ITIH2: variants seen among roughly 807,000 people sequenced by gnomAD.
ITIH2 encodes the protein inter-alpha-trypsin inhibitor heavy chain 2.
A neutral mutation model predicts 104.4 loss-of-function variants in ITIH2; 103 were observed. The ratio of observed to expected loss-of-function variants is 0.99; its 90% CI spans 0.84 to 1.16. ITIH2 has a LOEUF of 1.16. ITIH2 is among the 50% of genes most tolerant of loss of function. The probability of loss-of-function intolerance (pLI) is 0.00; values close to 1 mark genes in which losing one functional copy is unlikely to be tolerated. For missense variants in ITIH2, 1,108 were observed against 1,162.4 expected (o/e 0.95, Z 0.68); for synonymous variants, 436 against 435.4 (o/e 1.00, Z -0.02).
rs150632269 is a variant in ITIH2 at position 7,703,449 on chromosome 10, G to T, written c.15G>T (p.Thr5=). 1.7e-5 allele frequency: 27 copies of T among 1,613,770 alleles called. No homozygotes were observed. The highest frequency in any genetic ancestry group is 2.2e-5 in the East Asian group (1 of 44,882). The part of the protein sequence containing the change: MKRL[T]CFFICFFLSE... Reference sequence around the variant, plus strand: ...TGTCCAGCAAAATGAAAAGACTCACGTGCTTTTTCATCTGCTTCTTTCTTT... The same window carrying T: ...TGTCCAGCAAAATGAAAAGACTCACTTGCTTTTTCATCTGCTTCTTTCTTT... The change falls in exon 1 of 21, where the codon ACG becomes ACT. Residue 5 remains threonine, a synonymous_variant. Coordinates refer to ENST00000358415, the MANE Select transcript of ITIH2 (RefSeq NM_002216.3).
intron 3 of ITIH2, 84 bp from the exon 4 acceptor site, chr10:7,708,938 G>GCA: frequency 2.6e-6 from 3 of 1,146,780 alleles, no homozygotes; most frequent in Non-Finnish European, 3.9e-6. Context: ...AAAATGTAGT[G>GCA]TTGTTAACAT....
chr10:7,723,813 T>A (rs1480942736), intron 9 of ITIH2, among the ~76,000 whole-genome samples: 1 of 152,164 alleles, frequency 6.6e-6, no homozygotes, highest in Non-Finnish European at 1.5e-5. Flanking sequence ...CTCTTTCCTG[T>A]TTCCTCTTCC....
In ITIH2 at chr10:7,713,290, G is replaced by C; in HGVS notation, c.467+5G>C. ...CAAGACGGCTGGCTTGGTGAGGTAA[G>C]GCCTGAGTGAGCAAGGCTTGCCCTT... On this transcript the variant is annotated splice_donor_5th_base_variant and intron_variant, in intron 5 of 20. Coordinates refer to ENST00000358415, the MANE Select transcript of ITIH2 (RefSeq NM_002216.3). The C allele has an allele frequency of 6.2e-7, 1 of 1,608,434 alleles. No individual in the cohort carries two copies. Among genetic ancestry groups the C allele is most frequent in the East Asian group, 2.2e-5 (1 of 44,864 alleles).
chr10:7,707,778 T>C (rs918314539), intron 3 of ITIH2, among the ~76,000 whole-genome samples: 14 of 152,178 alleles, frequency 9.2e-5, no homozygotes, highest in Non-Finnish European at 1.9e-4. Flanking sequence ...TTGGCCAGGC[T>C]GGTCTCGAAC....
At chr10:7,734,857 G>T in intron 14 of ITIH2, 65 bp from the exon 15 acceptor site, 1 of 1,424,606 alleles carries the variant, frequency 7.0e-7, no homozygotes, top group Non-Finnish European at 9.6e-7. Context: ...CAGGGTCAGG[G>T]AGCTGACTTG....
rs1468052236 is a variant in ITIH2 at position 7,727,687 on chromosome 10, T to C, written c.1154-16T>C. 6.2e-7 allele frequency: 1 copy of C among 1,613,628 alleles called. No individual in the cohort carries two copies. The highest frequency in any genetic ancestry group is 1.1e-5 in the South Asian group (1 of 90,998). On this transcript the variant is annotated splice_polypyrimidine_tract_variant and intron_variant, in intron 10 of 20. Transcript: ENST00000358415. ...CGAGAACGCATACCCAACGTTTCAT[T>C]ATGCTACTTCAACAGGCACAAACAT... is the stretch of plus-strand genomic sequence containing the variant.
Position 7,727,758 on chromosome 10 carries a change from T to A in ITIH2, c.1209T>A (p.Asn403Lys). The A allele has an allele frequency of 6.2e-7, 1 of 1,614,118 alleles. No homozygotes were observed. Among genetic ancestry groups the A allele is most frequent in the Non-Finnish European group, 8.5e-7 (1 of 1,179,946 alleles). Residue 403 changes from asparagine to lysine, a missense_variant, in exon 11 of 21, where the codon AAT (asparagine) becomes AAA (lysine). Asn to Lys is a moderately conservative substitution (Grantham distance 94). Transcript: ENST00000358415. ...LRAIFILNEA[N>K]NLGLLDPNSV... ...CAATCTTCATTTTGAATGAAGCCAATAACTTGGGACTGTTAGACCCCAACT... is the reference window on the plus strand; with the variant it reads ...CAATCTTCATTTTGAATGAAGCCAAAAACTTGGGACTGTTAGACCCCAACT...
At chr10:7,739,457 G>A (rs1226157716) in intron 16 of ITIH2, among the ~76,000 whole-genome samples, 1 of 152,200 alleles carries the variant, frequency 6.6e-6, no homozygotes, top group African/African-American at 2.4e-5. Context: ...TCCTAGAATT[G>A]TGCGGCTTTC....
chr10:7,714,374 G>A (rs545000159), intron 5 of ITIH2, among the ~76,000 whole-genome samples: 3 of 151,772 alleles, frequency 2.0e-5, no homozygotes, highest in East Asian at 1.9e-4. Context: ...GGGTTTCACC[G>A]TGTTGGCCAG....
intron 1 of ITIH2, among the ~76,000 whole-genome samples, chr10:7,703,970 ACT>A (rs932653242): frequency 5.3e-5 from 8 of 152,262 alleles, no homozygotes; most frequent in Non-Finnish European, 1.2e-4. Flanking sequence ...ATCAAAGCAC[ACT>A]GTTTTTCATA....
intron 12 of ITIH2, among the ~76,000 whole-genome samples, chr10:7,731,062 G>C (rs1834997127): frequency 6.6e-6 from 1 of 152,088 alleles, no homozygotes; most frequent in South Asian, 2.1e-4. Context: ...AGGATTACAG[G>C]CATGTGCCAC....
At chr10:7,732,723 A>T (rs763558101) in intron 14 of ITIH2, among the ~76,000 whole-genome samples, 4 of 151,944 alleles carry the variant, frequency 2.6e-5, no homozygotes, top group African/African-American at 9.6e-5. Flanking sequence ...TTTTTATTTT[A>T]TTTATTTATT....
chr10:7,722,192 T>G (rs1295441296), intron 8 of ITIH2, among the ~76,000 whole-genome samples: 2 of 152,130 alleles, frequency 1.3e-5, no homozygotes, highest in Non-Finnish European at 2.9e-5. Flanking sequence ...TCATGAAGTT[T>G]CTTGAAAAGT....
In ITIH2 at chr10:7,744,836, G is replaced by C; in HGVS notation, c.2454G>C (p.Leu818=). 1 of 1,614,096 alleles carries C rather than the reference G, an allele frequency of 6.2e-7. No homozygotes were observed. The highest frequency in any genetic ancestry group is 8.5e-7 in the Non-Finnish European group (1 of 1,179,982). ...AAGAAAAAGTGGTAACTATCACCCT[G>C]GATAAAGAGATGTCCTTTTCTGTTT... The part of the protein sequence containing the change: ...VKKEKVVTIT[L]DKEMSFSVLL... Residue 818 remains leucine, a synonymous_variant, in exon 19 of 21, where the codon CTG becomes CTC. Coordinates refer to ENST00000358415, the MANE Select transcript of ITIH2 (RefSeq NM_002216.3).
chr10:7,728,210 C>T (rs940868307), intron 11 of ITIH2, among the ~76,000 whole-genome samples: 4 of 152,116 alleles, frequency 2.6e-5, no homozygotes, highest in South Asian at 2.1e-4. Flanking sequence ...CCAGCAGTAC[C>T]TTTGGAGGCC....
chr10:7,746,637 C>A lies in ITIH2; in HGVS notation c.2626C>A (p.Pro876Thr). ...AAAGATACACATCTTCAATGAGAGA[C>A]CAGGAAAGGACCCTGAGAAGCCAGA... Reference protein sequence around the residue: ...EPKIHIFNERPGKDPEKPEAS... With the variant: ...EPKIHIFNERTGKDPEKPEAS... The change falls in exon 20 of 21, where the codon CCA (proline) becomes ACA (threonine). Residue 876 changes from proline (P) to threonine (T), a missense_variant. By Grantham distance (38) the Pro-to-Thr change is conservative. Transcript: ENST00000358415. 1 of 1,613,844 alleles carries A rather than the reference C, an allele frequency of 6.2e-7. No individual in the cohort carries two copies. The highest frequency in any genetic ancestry group is 2.2e-5 in the East Asian group (1 of 44,870).
intron 6 of ITIH2, 80 bp downstream of exon 6, chr10:7,717,868 C>A: frequency 1.4e-6 from 2 of 1,398,612 alleles, no homozygotes; most frequent in Non-Finnish European, 2.0e-6. Flanking sequence ...CTGCTTGTCA[C>A]TAGCACTTGT....
At chr10:7,744,027 C>T (rs1366143883) in intron 17 of ITIH2, 55 bp from the exon 18 acceptor site, 1 of 1,354,816 alleles carries the variant, frequency 7.4e-7, no homozygotes, top group Non-Finnish European at 1.0e-6. Flanking sequence ...ATAGTACCCA[C>T]ACATGCAAAA....
intron 5 of ITIH2, 171 bp downstream of exon 5, chr10:7,713,456 G>A (rs138678176): frequency 3.4e-6 from 2 of 586,674 alleles, no homozygotes; most frequent in South Asian, 2.2e-5. Flanking sequence ...TTCGCCTAAA[G>A]GTCCCTCTTC....
Sources: gnomAD v4.1 joint callset for allele counts (sites outside exome capture counted in the v4.1 genomes callset) on GRCh38, gnomAD v4.1.1 for gene constraint, MANE v1.5 for transcripts, NCBI Gene and HGNC (gene_info 2026-07-23, HGNC 2026-07-21) for gene names.